The following SPRED2 variants were observed in gnomAD, a reference collection of about 807,000 sequenced individuals.
SPRED2 encodes sprouty related EVH1 domain containing 2.
In SPRED2, 47 loss-of-function variants were observed where a neutral mutation model predicts 43.0. The observed-to-expected ratio is 1.09, with a 90% CI of 0.87 to 1.40. SPRED2 has a LOEUF of 1.40. SPRED2 is among the 40% of genes most tolerant of loss of function. The probability of loss-of-function intolerance (pLI) is 0.00; values close to 1 mark genes in which losing one functional copy is unlikely to be tolerated. For missense variants in SPRED2, 561 were observed against 586.4 expected (o/e 0.96, Z 0.45); for synonymous variants, 225 against 225.7 (o/e 1.00, Z 0.03).
chr2:65,416,518 G>C (rs1676278535), intron 1 of SPRED2, among the ~76,000 whole-genome samples: 1 of 152,088 alleles, frequency 6.6e-6, no homozygotes, highest in Non-Finnish European at 1.5e-5. Flanking sequence ...GCCTCACAAG[G>C]GATCCTTTAT....
chr2:65,359,707 A>G (rs1404163948), intron 1 of SPRED2, among the ~76,000 whole-genome samples: 1 of 152,112 alleles, frequency 6.6e-6, no homozygotes, highest in Non-Finnish European at 1.5e-5. Context: ...AGGCGGGTGG[A>G]TCATGAGGTC....
At chr2:65,358,841 C>T (rs368437080) in intron 1 of SPRED2, among the ~76,000 whole-genome samples, 7 of 152,300 alleles carry the variant, frequency 4.6e-5, no homozygotes, top group African/African-American at 1.7e-4. Flanking sequence ...TGACAAGAAG[C>T]CTCTTTCCCC....
chr2:65,401,943 A>AGTG (rs1558685752), intron 1 of SPRED2, among the ~76,000 whole-genome samples: 14 of 113,030 alleles, frequency 1.2e-4, no homozygotes, highest in African/African-American at 4.6e-4. Context: ...GCGCGCACAC[A>AGTG]CACACACACA....
chr2:65,324,067 G>A (rs763110648), intron 4 of SPRED2, among the ~76,000 whole-genome samples: 2 of 151,468 alleles, frequency 1.3e-5, no homozygotes, highest in African/African-American at 4.9e-5. Flanking sequence ...GCTTCCCAGA[G>A]GGGTGTGTCT....
intron 1 of SPRED2, among the ~76,000 whole-genome samples, chr2:65,429,851 G>C (rs1234654917): frequency 6.6e-6 from 1 of 152,210 alleles, no homozygotes. Context: ...AGCAGTGGAG[G>C]CTACGGCTTC....
At chr2:65,424,424 T>G (rs1020182216) in intron 1 of SPRED2, among the ~76,000 whole-genome samples, 1 of 152,164 alleles carries the variant, frequency 6.6e-6, no homozygotes, top group Non-Finnish European at 1.5e-5. Context: ...ACAGAAAGCC[T>G]ACTATGTGCT....
chr2:65,401,937 G>GCGTGCGCGCGCGCACACA (rs776512353), intron 1 of SPRED2, among the ~76,000 whole-genome samples: 1 of 114,714 alleles, frequency 8.7e-6, no homozygotes. Context: ...GCGCGCGCGC[G>GCGTGCGCGCGCGCACACA]CACACACACA....
intron 1 of SPRED2, among the ~76,000 whole-genome samples, chr2:65,407,181 C>T (rs137921732): frequency 0.068 from 10,234 of 150,816 alleles, 1,165 homozygotes; most frequent in African/African-American, 0.24. Flanking sequence ...CCCGCCTTGG[C>T]CTCCCAAAGT....
intron 4 of SPRED2, among the ~76,000 whole-genome samples, chr2:65,319,835 C>A (rs1166699044): frequency 4.6e-5 from 7 of 152,170 alleles, no homozygotes; most frequent in Admixed American, 4.6e-4. Context: ...GATGGTGAAT[C>A]CAGGCCATGG....
chr2:65,383,591 C>T (rs191111698), intron 1 of SPRED2, among the ~76,000 whole-genome samples: 37 of 152,308 alleles, frequency 2.4e-4, no homozygotes, highest in Non-Finnish European at 8.8e-5. Flanking sequence ...CCCACCGTTA[C>T]GTGGGTTCCC....
chr2:65,308,668 G>A (rs1672990247), downstream of SPRED2: 6 of 628,656 alleles, frequency 9.5e-6, no homozygotes, highest in Middle Eastern at 7.9e-4. Flanking sequence ...TAACCTTCAC[G>A]CCAGCTGAGG....
intron 1 of SPRED2, among the ~76,000 whole-genome samples, chr2:65,400,526 G>C (rs1395320829): frequency 1.3e-5 from 2 of 152,148 alleles, no homozygotes; most frequent in Non-Finnish European, 2.9e-5. Flanking sequence ...AGGTTACTGG[G>C]GTACAGGTGG....
At chr2:65,375,787 C>G (rs1027194306) in intron 1 of SPRED2, among the ~76,000 whole-genome samples, 9 of 152,196 alleles carry the variant, frequency 5.9e-5, no homozygotes, top group African/African-American at 2.2e-4. Context: ...CAAGTCTCCC[C>G]AAAGATCTTC....
At chr2:65,396,367 G>C (rs759382706) in intron 1 of SPRED2, among the ~76,000 whole-genome samples, 1 of 152,060 alleles carries the variant, frequency 6.6e-6, no homozygotes, top group Admixed American at 6.6e-5. Context: ...AAATACCTAC[G>C]GCGCATCATG....
chr2:65,342,811 C>T (rs1674233880), intron 2 of SPRED2, among the ~76,000 whole-genome samples: 1 of 152,150 alleles, frequency 6.6e-6, no homozygotes, highest in Non-Finnish European at 1.5e-5. Context: ...AAATAAGATA[C>T]ACAACTGTTT....
chr2:65,314,548 C>T (rs1558645770), intron 5 of SPRED2, among the ~76,000 whole-genome samples: 1 of 152,140 alleles, frequency 6.6e-6, no homozygotes, highest in Non-Finnish European at 1.5e-5. Flanking sequence ...GACCTGTGCC[C>T]CAGAGTATCT....
intron 1 of SPRED2, among the ~76,000 whole-genome samples, chr2:65,370,797 C>A (rs1485248666): frequency 1.3e-5 from 2 of 151,262 alleles, no homozygotes; most frequent in Non-Finnish European, 2.9e-5. Flanking sequence ...CTTTCCTGAC[C>A]AGCCCATTCA....
In SPRED2 at chr2:65,432,222, AGGCG is replaced by A. The variant is rs1203476260; in HGVS notation, c.-239_-236del. The A allele has an allele frequency of 5.9e-6, 3 of 507,936 alleles. No individual in the cohort carries two copies. In the African/African-American group the frequency reaches 6.2e-5, roughly 11 times the overall value. The allele number at this position is 507,936 out of a possible 1,614,324, so 31.5% of individuals were successfully genotyped here. ...GTGAACGCCGCAGCGCCGTGGGGAGAGGCGGGCGGAGGCTCCGGGGGCTCGGGAG... is the reference window on the plus strand; with the variant it reads ...GTGAACGCCGCAGCGCCGTGGGGAGAGGCGGAGGCTCCGGGGGCTCGGGAG... On this transcript the variant is annotated 5_prime_UTR_variant, in exon 1 of 6. Coordinates refer to ENST00000356388, the MANE Select transcript of SPRED2 (RefSeq NM_181784.3).
intron 1 of SPRED2, among the ~76,000 whole-genome samples, chr2:65,351,214 C>CA (rs1222115042): frequency 6.6e-6 from 1 of 152,086 alleles, no homozygotes; most frequent in Non-Finnish European, 1.5e-5. Context: ...CATGGACCTC[C>CA]AGCAATTGTC....
Sources: gnomAD v4.1 joint callset for allele counts (sites outside exome capture counted in the v4.1 genomes callset) on GRCh38, gnomAD v4.1.1 for gene constraint, MANE v1.5 for transcripts, NCBI Gene and HGNC (gene_info 2026-07-23, HGNC 2026-07-21) for gene names.